Variants in GNA13 observed in about 807,000 individuals in gnomAD.
The protein encoded by GNA13 is guanine nucleotide-binding protein subunit alpha-13.
A neutral mutation model predicts 33.5 loss-of-function variants in GNA13; 4 were observed. The observed-to-expected ratio is 0.12, with a 90% CI of 0.06 to 0.27. The LOEUF (loss-of-function observed/expected upper bound fraction) is 0.27. Ranked by LOEUF, GNA13 falls within the 10% of genes least tolerant of loss-of-function variation. The pLI is 1.00. For missense variants in GNA13, 319 were observed against 487.2 expected (o/e 0.65, Z 3.25); for synonymous variants, 176 against 183.8 (o/e 0.96, Z 0.34).
intron 1 of GNA13, chr17:65,055,838 G>A (rs1474118980): frequency 1.2e-6 from 1 of 809,550 alleles, no homozygotes; most frequent in Non-Finnish European, 1.5e-6. Flanking sequence ...GGGAGCGCAT[G>A]CGACCCCATG....
intron 2 of GNA13, among the ~76,000 whole-genome samples, chr17:65,047,833 TA>T (rs956378394): frequency 3.8e-4 from 58 of 151,982 alleles, no homozygotes; most frequent in Admixed American, 1.8e-3. Context: ...AATAAATAAA[TA>T]AAAAAAATTA....
chr17:65,053,059 G>T (rs529959381), intron 2 of GNA13: 2 of 156,710 alleles, frequency 1.3e-5, no homozygotes, highest in Admixed American at 1.3e-4. Context: ...ACAAATTTCT[G>T]AGGCTATAAT....
rs755620237 is a variant in GNA13, at chr17:65,053,705, G to T, written c.307C>A (p.Arg103=). The change falls in exon 2 of 4, where the codon CGA becomes AGA. Residue 103 remains arginine, a synonymous_variant. Transcript: ENST00000439174. The part of the protein sequence containing the change: ...IKGMRVLVDA[R]EKLHIPWGDN... ...CCCCAGGGAATATGAAGCTTCTCTCGAGCATCAACCAGCACCCTCATACCT... is the reference window on the plus strand; with the variant it reads ...CCCCAGGGAATATGAAGCTTCTCTCTAGCATCAACCAGCACCCTCATACCT... The T allele has an allele frequency of 3.7e-6, 6 of 1,612,218 alleles. No homozygotes were observed. In the East Asian group the frequency reaches 1.3e-4, roughly 36 times the overall value.
At chr17:65,056,249 G>GCCCC in intron 1 of GNA13, 62 bp downstream of exon 1, 3 of 774,832 alleles carry the variant, frequency 3.9e-6, no homozygotes, top group East Asian at 4.2e-5. Flanking sequence ...GCCCCGCCCC[G>GCCCC]CACCCGCCGC....
intron 1 of GNA13, 60 bp downstream of exon 1, chr17:65,056,251 A>ACCCCCCCCCCCC: frequency 3.6e-5 from 27 of 740,684 alleles, no homozygotes; most frequent in East Asian, 8.8e-5. Flanking sequence ...CCCGCCCCGC[A>ACCCCCCCCCCCC]CCCGCCGCCG....
chr17:65,039,939 A>G (rs1189440187), intron 2 of GNA13, among the ~76,000 whole-genome samples: 1 of 152,174 alleles, frequency 6.6e-6, no homozygotes, highest in Admixed American at 6.5e-5. Flanking sequence ...GTAATCCACT[A>G]CCTAGGGCTT....
intron 2 of GNA13, among the ~76,000 whole-genome samples, chr17:65,031,927 T>A (rs984529278): frequency 0.016 from 1,790 of 115,114 alleles, 13 homozygotes; most frequent in Admixed American, 0.027. Flanking sequence ...AGAGAGTGTG[T>A]GTGTGTGTGT....
At chr17:65,021,327 T>C (rs117585635) in intron 2 of GNA13, among the ~76,000 whole-genome samples, 2,776 of 152,312 alleles carry the variant, frequency 0.018, 31 homozygotes, top group Non-Finnish European at 0.025. Flanking sequence ...TTTTACAAAA[T>C]GGTGTCTAAG....
At chr17:65,029,299 G>T (rs936220533) in intron 2 of GNA13, among the ~76,000 whole-genome samples, 5 of 152,148 alleles carry the variant, frequency 3.3e-5, no homozygotes, top group African/African-American at 1.2e-4. Flanking sequence ...GGAAAATTCT[G>T]TGCATATTCC....
rs548172867 is a variant in GNA13, at chr17:65,018,967, AGAG to A, written c.511-667_511-665del. On this transcript the variant is annotated intron_variant, in intron 2 of 3. Coordinates refer to ENST00000439174, the MANE Select transcript of GNA13 (RefSeq NM_006572.6). ...ATGAAAACGCTTGACCAGAGCACAC[AGAG>A]AAGAGGGGAACTATTTTGGGAAAGA... Among the ~76,000 whole-genome samples, 13 of 152,340 alleles carry A rather than the reference AGAG, an allele frequency of 8.5e-5. No homozygotes were observed. In the South Asian group the frequency reaches 2.7e-3, roughly 32 times the overall value.
chr17:65,023,009 G>C (rs1002929872), intron 2 of GNA13, among the ~76,000 whole-genome samples: 3 of 152,200 alleles, frequency 2.0e-5, no homozygotes, highest in Non-Finnish European at 4.4e-5. Context: ...TGTTTACTTA[G>C]GGAATCAATG....
intron 2 of GNA13, among the ~76,000 whole-genome samples, chr17:65,050,941 C>G (rs115810911): frequency 0.017 from 2,604 of 152,262 alleles, 78 homozygotes; most frequent in African/African-American, 0.059. Flanking sequence ...AAGTCAACAA[C>G]AAGCAGGTCC....
intron 2 of GNA13, among the ~76,000 whole-genome samples, chr17:65,037,777 G>GAAAAAAAAAAAAAAAAAAAAA (rs145051963): frequency 2.4e-5 from 2 of 82,062 alleles, no homozygotes; most frequent in Non-Finnish European, 4.2e-5. Flanking sequence ...CTACAAAAAT[G>GAAAAAAAAAAAAAAAAAAAAA]GAAAAAAAAA....
At chr17:65,038,464 G>T (rs1907340593) in intron 2 of GNA13, among the ~76,000 whole-genome samples, 1 of 152,108 alleles carries the variant, frequency 6.6e-6, no homozygotes. Flanking sequence ...TCAGGCTTGA[G>T]TACAGTGGCA....
chr17:65,026,401 G>A (rs1353685734), intron 2 of GNA13, among the ~76,000 whole-genome samples: 1 of 152,148 alleles, frequency 6.6e-6, no homozygotes, highest in Non-Finnish European at 1.5e-5. Context: ...AGGAAGCCAT[G>A]ACTAGAAAAT....
rs984840318 is a variant in GNA13 at position 65,048,114 on chromosome 17, A to C, written c.510+5388T>G. Among the ~76,000 whole-genome samples the C allele has an allele frequency of 7.2e-5, 11 of 152,236 alleles. No individual in the cohort carries two copies. In the East Asian group the frequency reaches 1.5e-3, roughly 21 times the overall value. ...TACAGGAAGTTGTATTAATGCTGAC[A>C]ATGTTAAACTGTTTACAGAAAGTAG... On this transcript the variant is annotated intron_variant, in intron 2 of 3. Transcript: ENST00000439174.
At chr17:65,018,410 TTG>T in intron 2 of GNA13, 107 bp from the exon 3 acceptor site, 1 of 690,630 alleles carries the variant, frequency 1.4e-6, no homozygotes, top group Non-Finnish European at 2.6e-6. Flanking sequence ...CAAACAGACT[TTG>T]TTTAGTCACC....
chr17:65,016,788 G>T (rs1307401604), intron 3 of GNA13, among the ~76,000 whole-genome samples: 1 of 152,140 alleles, frequency 6.6e-6, no homozygotes, highest in Non-Finnish European at 1.5e-5. Flanking sequence ...TCAGATACAC[G>T]CCTGCTTTAT....
intron 3 of GNA13, 121 bp downstream of exon 3, chr17:65,018,132 A>AAAAAG: frequency 6.0e-6 from 1 of 166,208 alleles, no homozygotes; most frequent in Non-Finnish European, 1.4e-5. Flanking sequence ...AAAAAAAAAA[A>AAAAAG]AAAAAAAGAG....
Sources: gnomAD v4.1 joint callset for allele counts (sites outside exome capture counted in the v4.1 genomes callset) on GRCh38, gnomAD v4.1.1 for gene constraint, MANE v1.5 for transcripts, NCBI Gene and HGNC (gene_info 2026-07-23, HGNC 2026-07-21) for gene names.